Variants in PAK1 observed in about 807,000 individuals in gnomAD.
The protein encoded by PAK1 is p21 (RAC1) activated kinase 1.
A neutral mutation model predicts 67.4 loss-of-function variants in PAK1; 29 were observed. The ratio of observed to expected loss-of-function variants is 0.43; its 90% CI spans 0.32 to 0.59. PAK1 has a LOEUF of 0.59. Among genes scored for constraint, PAK1 ranks in the 20% least tolerant of loss-of-function variants. The pLI is 0.07. For synonymous variants in PAK1, 223 were observed against 237.4 expected, an observed-to-expected ratio of 0.94 and a Z score of 0.56; for missense variants, 337 against 670.7, an observed-to-expected ratio of 0.50 and a Z score of 5.50.
At chr11:77,403,557 C>G (rs1446840980) in intron 1 of PAK1, among the ~76,000 whole-genome samples, 1 of 152,150 alleles carries the variant, frequency 6.6e-6, no homozygotes, top group Non-Finnish European at 1.5e-5. Context: ...TCCAGCAGTC[C>G]CCTGCCTTTT....
At chr11:77,363,151 G>T (rs2511490) in intron 5 of PAK1, among the ~76,000 whole-genome samples, 1 of 152,118 alleles carries the variant, frequency 6.6e-6, no homozygotes, top group African/African-American at 2.4e-5. Context: ...TGATCAAATA[G>T]AAGTTTTAAG....
chr11:77,340,845 T>C (rs995585620), intron 10 of PAK1, 82 bp from the exon 11 acceptor site: 30 of 808,996 alleles, frequency 3.7e-5, no homozygotes, highest in African/African-American at 2.7e-4. Context: ...GCTAAGCATA[T>C]ACACAGAGTG....
intron 2 of PAK1, among the ~76,000 whole-genome samples, chr11:77,385,995 G>A (rs1950404230): frequency 6.6e-6 from 1 of 152,176 alleles, no homozygotes; most frequent in East Asian, 1.9e-4. Context: ...CTGTGGTTGA[G>A]GTGAGAAAGA....
chr11:77,401,439 T>G (rs1952670047), intron 1 of PAK1, among the ~76,000 whole-genome samples: 1 of 152,154 alleles, frequency 6.6e-6, no homozygotes, highest in South Asian at 2.1e-4. Context: ...TCCTCTTAGG[T>G]AAAACGCAAA....
At chr11:77,358,047 T>C (rs1049421469) in intron 6 of PAK1, among the ~76,000 whole-genome samples, 1 of 152,202 alleles carries the variant, frequency 6.6e-6, no homozygotes, top group Non-Finnish European at 1.5e-5. Flanking sequence ...CTCATCCTAA[T>C]AGGTCATATA....
chr11:77,331,552 G>C (rs2136092036), intron 14 of PAK1, among the ~76,000 whole-genome samples: 1 of 152,218 alleles, frequency 6.6e-6, no homozygotes, highest in Middle Eastern at 3.4e-3. Flanking sequence ...ACCAAACACT[G>C]CATGTTCTCA....
Position 77,473,946 on chromosome 11 carries a change from A to G in PAK1, c.-416T>C, listed in dbSNP as rs1958000214. 7.5e-6 allele frequency: 1 copy of G among 133,116 alleles called. No homozygotes were observed. Among genetic ancestry groups the G allele is most frequent in the Admixed American group, 7.7e-5 (1 of 13,032 alleles). The allele number at this position is 133,116 out of a possible 1,614,324, so 8.2% of individuals were successfully genotyped here. On this transcript the variant is annotated 5_prime_UTR_variant, in exon 1 of 15. Coordinates refer to ENST00000356341, the MANE Select transcript of PAK1 (RefSeq NM_002576.5). ...AGGCGTCTGTGGGGGAGGACTGCAG[A>G]GCCTGTGAGGGAAGCGCGATGGGCG...
At chr11:77,411,380 A>G (rs553008119) in intron 1 of PAK1, among the ~76,000 whole-genome samples, 2 of 151,908 alleles carry the variant, frequency 1.3e-5, no homozygotes, top group African/African-American at 4.8e-5. Context: ...CCTCCCTCCC[A>G]GTTCACTCAA....
chr11:77,479,498 T>G (rs1958094683), upstream of PAK1, among the ~76,000 whole-genome samples: 1 of 152,052 alleles, frequency 6.6e-6, no homozygotes, highest in African/African-American at 2.4e-5. Context: ...AGACATTTTA[T>G]ATTTCCTAAT....
chr11:77,435,101 A>G (rs529810328), intron 1 of PAK1, among the ~76,000 whole-genome samples: 1 of 135,608 alleles, frequency 7.4e-6, no homozygotes, highest in Non-Finnish European at 1.6e-5. Context: ...TAGTACTTGT[A>G]CAACCCTGTG....
Position 77,343,802 on chromosome 11 carries a change from G to A in PAK1, c.998+17C>T, listed in dbSNP as rs746987456. Reference sequence around the variant, plus strand: ...CCCAAAGGCCCTTTCCCTCTGATGGGACCCACCACTCCATACCTGTCCAAG... The same window carrying A: ...CCCAAAGGCCCTTTCCCTCTGATGGAACCCACCACTCCATACCTGTCCAAG... On this transcript the variant is annotated intron_variant, in intron 10 of 14. Transcript: ENST00000356341. 2.1e-6 allele frequency: 3 copies of A among 1,456,884 alleles called. No homozygotes were observed. Among genetic ancestry groups the A allele is most frequent in the Admixed American group, 3.3e-5 (2 of 59,778 alleles). 90.2% of individuals were successfully genotyped at this position (1,456,884 alleles called of 1,614,324 possible).
At chr11:77,416,805 T>C (rs1954983404) in intron 1 of PAK1, among the ~76,000 whole-genome samples, 1 of 152,020 alleles carries the variant, frequency 6.6e-6, no homozygotes, top group Non-Finnish European at 1.5e-5. Context: ...TACAAAAAAT[T>C]AGCAGGGCGT....
At chr11:77,499,651 C>T in the PAK1 span, among the ~76,000 whole-genome samples, 7 of 152,108 alleles carry the variant, frequency 4.6e-5, no homozygotes, top group Admixed American at 6.5e-5. Context: ...GTGATACTTT[C>T]GTTATACCTT....
chr11:77,434,520 CACCTGTA>C (rs1328323440), intron 1 of PAK1, among the ~76,000 whole-genome samples: 1 of 151,928 alleles, frequency 6.6e-6, no homozygotes, highest in African/African-American at 2.4e-5. Flanking sequence ...TATCATGGCC[CACCTGTA>C]ACCTCAACCT....
chr11:77,415,007 C>T (rs958673349), intron 1 of PAK1, among the ~76,000 whole-genome samples: 3 of 151,914 alleles, frequency 2.0e-5, no homozygotes, highest in Admixed American at 6.6e-5. Flanking sequence ...TCAAAATATA[C>T]ATAGAACTCT....
chr11:77,517,769 T>A, the PAK1 span, among the ~76,000 whole-genome samples: 1 of 152,212 alleles, frequency 6.6e-6, no homozygotes. Flanking sequence ...GCTTGTTTTC[T>A]TGCAACTAGA....
intron 2 of PAK1, among the ~76,000 whole-genome samples, chr11:77,387,216 G>A (rs1950565260): frequency 6.6e-6 from 1 of 151,606 alleles, no homozygotes; most frequent in African/African-American, 2.4e-5. Flanking sequence ...GGGATTACAG[G>A]TGCCTGCCAC....
At chr11:77,512,062 A>G in the PAK1 span, among the ~76,000 whole-genome samples, 15 of 152,256 alleles carry the variant, frequency 9.9e-5, no homozygotes, top group South Asian at 1.5e-3. Flanking sequence ...GGCTTACAAG[A>G]GTCGATACTG....
chr11:77,514,063 A>G, the PAK1 span, among the ~76,000 whole-genome samples: 2 of 152,224 alleles, frequency 1.3e-5, no homozygotes, highest in African/African-American at 4.8e-5. Flanking sequence ...TGAATGGTAG[A>G]GCCATGATTT....
Sources: gnomAD v4.1 joint callset for allele counts (sites outside exome capture counted in the v4.1 genomes callset) on GRCh38, gnomAD v4.1.1 for gene constraint, MANE v1.5 for transcripts, NCBI Gene and HGNC (gene_info 2026-07-23, HGNC 2026-07-21) for gene names.